NR1H4: variants seen among roughly 807,000 people sequenced by gnomAD.
NR1H4 encodes nuclear receptor subfamily 1 group H member 4.
NR1H4 carries 23 observed loss-of-function variants against 58.5 expected under a neutral mutation model. That is an observed-to-expected ratio of 0.39 (90% CI 0.28 to 0.56). The LOEUF (loss-of-function observed/expected upper bound fraction) is 0.56. NR1H4 is among the 20% of genes least tolerant of loss of function. NR1H4 has a pLI of 0.58. For missense variants in NR1H4, 487 were observed against 576.9 expected (o/e 0.84, Z 1.60); for synonymous variants, 214 against 198.0 (o/e 1.08, Z -0.68).
At chr12:100,509,781 A>G (rs376927412) in intron 3 of NR1H4, among the ~76,000 whole-genome samples, 4 of 152,186 alleles carry the variant, frequency 2.6e-5, no homozygotes, top group African/African-American at 7.2e-5. Context: ...CATGGCAAAA[A>G]CTACAAACAG....
At chr12:100,536,730 C>T (rs1954822941) in intron 7 of NR1H4, 120 bp downstream of exon 7, 1 of 711,208 alleles carries the variant, frequency 1.4e-6, no homozygotes, top group Non-Finnish European at 2.4e-6. Flanking sequence ...GCTGAGAATT[C>T]AAGTTAGACT....
chr12:100,557,558 A>G lies in NR1H4; in HGVS notation c.1079-4327A>G, dbSNP rs141213297. 3.1e-3 allele frequency among the ~76,000 whole-genome samples: 470 copies of G among 152,320 alleles called. 2 individuals carry two copies. Among genetic ancestry groups the G allele is most frequent in the African/African-American group, 0.011 (452 of 41,562 alleles). On this transcript the variant is annotated intron_variant, in intron 9 of 10. Coordinates refer to ENST00000392986, the MANE Select transcript of NR1H4 (RefSeq NM_001206979.2). Reference sequence around the variant, plus strand: ...AACGCATCCCTCATCCAAATAGTGAACATTGTACCCAATAGGTAATCTTTC... The same window carrying G: ...AACGCATCCCTCATCCAAATAGTGAGCATTGTACCCAATAGGTAATCTTTC...
At chr12:100,523,535 G>T (rs1954480240) in intron 4 of NR1H4, among the ~76,000 whole-genome samples, 2 of 152,068 alleles carry the variant, frequency 1.3e-5, no homozygotes, top group African/African-American at 2.4e-5. Context: ...TATTTATTTT[G>T]CTGTGTAGAA....
At chr12:100,549,657 A>C (rs982787884) in intron 9 of NR1H4, among the ~76,000 whole-genome samples, 1 of 152,130 alleles carries the variant, frequency 6.6e-6, no homozygotes, top group Non-Finnish European at 1.5e-5. Context: ...AAAGCTAAAG[A>C]ATGAAGTTTT....
intron 9 of NR1H4, among the ~76,000 whole-genome samples, chr12:100,543,220 T>C (rs1006437387): frequency 3.9e-5 from 6 of 152,116 alleles, no homozygotes; most frequent in Non-Finnish European, 8.8e-5. Context: ...AATTGAGGGT[T>C]ACATTAAAGG....
chr12:100,512,090 AG>A (rs2136163157), intron 4 of NR1H4, among the ~76,000 whole-genome samples: 1 of 151,758 alleles, frequency 6.6e-6, no homozygotes, highest in African/African-American at 2.4e-5. Context: ...AAAATTAGTC[AG>A]GTGTGGTGGA....
Position 100,475,124 on chromosome 12 carries a change from C to CCTATCTATCTATCTACCTATCTATCTAT in NR1H4, c.-190+1080_-190+1081insCCTATCTATCTATCTATCTATCTATCTA, listed in dbSNP as rs1555330005. On this transcript the variant is annotated intron_variant, in intron 1 of 10. Transcript: ENST00000392986. ...AGTCACACCTCAGTAAAGTGGTTTA[C>CCTATCTATCTATCTACCTATCTATCTAT]CTATCTATCTATCTATCTATCTATC... Among the ~76,000 whole-genome samples, 135 of 143,208 alleles carry CCTATCTATCTATCTACCTATCTATCTAT rather than the reference C, an allele frequency of 9.4e-4. 1 individual carries two copies. Among genetic ancestry groups the CCTATCTATCTATCTACCTATCTATCTAT allele is most frequent in the African/African-American group, 2.9e-3 (107 of 36,650 alleles). The allele number at this position is 143,208 out of a possible 152,430, so 94.0% of individuals were successfully genotyped here.
chr12:100,503,895 C>T (rs1222092039), intron 3 of NR1H4, among the ~76,000 whole-genome samples: 1 of 152,090 alleles, frequency 6.6e-6, no homozygotes, highest in Non-Finnish European at 1.5e-5. Context: ...TTTAGTGTCT[C>T]GTGACCAGCA....
At chr12:100,486,419 A>T (rs1953493466) in intron 1 of NR1H4, among the ~76,000 whole-genome samples, 1 of 152,218 alleles carries the variant, frequency 6.6e-6, no homozygotes, top group African/African-American at 2.4e-5. Context: ...AATGACAAGG[A>T]AGCATCAATC....
At chr12:100,516,771 A>G (rs1048558753) in intron 4 of NR1H4, among the ~76,000 whole-genome samples, 1 of 152,230 alleles carries the variant, frequency 6.6e-6, no homozygotes, top group Non-Finnish European at 1.5e-5. Context: ...AATGAGGAAT[A>G]AGCATATCAT....
intron 4 of NR1H4, among the ~76,000 whole-genome samples, chr12:100,521,345 C>T (rs1472658305): frequency 1.3e-5 from 2 of 152,160 alleles, no homozygotes; most frequent in Admixed American, 1.3e-4. Flanking sequence ...ATGACTGCCA[C>T]TTTCTCAGGA....
At chr12:100,505,628 C>T in intron 3 of NR1H4, 1 of 701,400 alleles carries the variant, frequency 1.4e-6, no homozygotes, top group East Asian at 2.7e-5. Flanking sequence ...AAGAACTCGT[C>T]CCTAAACTTC....
chr12:100,524,063 A>G (rs933894291), intron 4 of NR1H4, among the ~76,000 whole-genome samples: 1 of 152,366 alleles, frequency 6.6e-6, no homozygotes, highest in Non-Finnish European at 1.5e-5. Flanking sequence ...GACATTTCAC[A>G]TAAACATATA....
chr12:100,550,792 C>T (rs1215763515), intron 9 of NR1H4, among the ~76,000 whole-genome samples: 1 of 152,164 alleles, frequency 6.6e-6, no homozygotes, highest in Non-Finnish European at 1.5e-5. Flanking sequence ...TTTCCATCCC[C>T]ACAAGGGACA....
chr12:100,559,776 G>A (rs1448657106), intron 9 of NR1H4, among the ~76,000 whole-genome samples: 3 of 152,244 alleles, frequency 2.0e-5, no homozygotes, highest in East Asian at 1.9e-4. Flanking sequence ...AGCGCAGGGC[G>A]CATGACTGGC....
At chr12:100,515,991 A>G (rs1954255932) in intron 4 of NR1H4, among the ~76,000 whole-genome samples, 2 of 152,358 alleles carry the variant, frequency 1.3e-5, no homozygotes, top group South Asian at 4.1e-4. Context: ...AAGGGGCCCA[A>G]GAATCTGTGA....
At chr12:100,554,676 G>A (rs1955283669) in intron 9 of NR1H4, among the ~76,000 whole-genome samples, 1 of 152,082 alleles carries the variant, frequency 6.6e-6, no homozygotes, top group Admixed American at 6.6e-5. Flanking sequence ...AAAGTCTTTG[G>A]TAGTTAAGTT....
chr12:100,540,258 G>T (rs1954904604), intron 8 of NR1H4, among the ~76,000 whole-genome samples: 1 of 152,156 alleles, frequency 6.6e-6, no homozygotes, highest in African/African-American at 2.4e-5. Context: ...CTTGACTAAA[G>T]ACTCATGAGT....
intron 1 of NR1H4, among the ~76,000 whole-genome samples, chr12:100,483,530 G>T (rs921672867): frequency 9.2e-5 from 14 of 152,122 alleles, no homozygotes; most frequent in Admixed American, 2.6e-4. Flanking sequence ...GCCATATGTT[G>T]TCCTTGACGT....
Sources: gnomAD v4.1 joint callset for allele counts (sites outside exome capture counted in the v4.1 genomes callset) on GRCh38, gnomAD v4.1.1 for gene constraint, MANE v1.5 for transcripts, NCBI Gene and HGNC (gene_info 2026-07-23, HGNC 2026-07-21) for gene names.